Variants in NR3C2 observed in about 807,000 individuals in gnomAD.
NR3C2 encodes nuclear receptor subfamily 3 group C member 2.
In NR3C2, 15 loss-of-function variants were observed where a neutral mutation model predicts 86.4. That is an observed-to-expected ratio of 0.17 (90% CI 0.12 to 0.27). The LOEUF (loss-of-function observed/expected upper bound fraction) is 0.27, where lower values mean the gene tolerates loss of function less well. Among genes scored for constraint, NR3C2 ranks in the 10% least tolerant of loss-of-function variants. The pLI is 1.00. For synonymous variants in NR3C2, 458 were observed against 450.5 expected (o/e 1.02, Z -0.21); for missense variants, 960 against 1,195.6 (o/e 0.80, Z 2.91).
At chr4:148,227,637 T>C (rs1214202623) in intron 3 of NR3C2, among the ~76,000 whole-genome samples, 1 of 152,224 alleles carries the variant, frequency 6.6e-6, no homozygotes, top group Non-Finnish European at 1.5e-5. Flanking sequence ...TATTTATTGA[T>C]GGCATTGCAC....
intron 1 of NR3C2, among the ~76,000 whole-genome samples, chr4:148,440,475 G>A (rs1196361311): frequency 2.0e-5 from 3 of 152,208 alleles, no homozygotes; most frequent in Admixed American, 2.0e-4. Context: ...TGTTACTAAA[G>A]TATAAAATGA....
At chr4:148,216,892 C>G (rs1336774092) in intron 3 of NR3C2, among the ~76,000 whole-genome samples, 1 of 152,148 alleles carries the variant, frequency 6.6e-6, no homozygotes, top group Admixed American at 6.5e-5. Flanking sequence ...AATTACAGAT[C>G]AGACCCACAA....
intron 2 of NR3C2, among the ~76,000 whole-genome samples, chr4:148,419,383 C>T (rs537743859): frequency 6.6e-6 from 1 of 152,260 alleles, no homozygotes; most frequent in South Asian, 2.1e-4. Context: ...AGCAAAATTA[C>T]ATGTGCAAGT....
intron 2 of NR3C2, among the ~76,000 whole-genome samples, chr4:148,285,568 G>A (rs774060977): frequency 7.9e-5 from 12 of 152,026 alleles, no homozygotes; most frequent in Non-Finnish European, 1.0e-4. Context: ...TTATTTGGGC[G>A]TGGTGACGTG....
At chr4:148,414,328 T>A (rs1748890636) in intron 2 of NR3C2, among the ~76,000 whole-genome samples, 1 of 152,290 alleles carries the variant, frequency 6.6e-6, no homozygotes, top group South Asian at 2.1e-4. Flanking sequence ...GGGATCCAAA[T>A]CTGATTTGAA....
chr4:148,432,832 T>C (rs1250070522), intron 2 of NR3C2, among the ~76,000 whole-genome samples: 1 of 152,194 alleles, frequency 6.6e-6, no homozygotes, highest in Non-Finnish European at 1.5e-5. Context: ...CTCTGATCCT[T>C]GAGCTTTTAC....
intron 4 of NR3C2, among the ~76,000 whole-genome samples, chr4:148,156,374 G>A (rs1578950963): frequency 1.3e-5 from 2 of 151,894 alleles, no homozygotes; most frequent in East Asian, 3.9e-4. Flanking sequence ...CTGACAAAGG[G>A]CTAATATCCA....
intron 3 of NR3C2, among the ~76,000 whole-genome samples, chr4:148,236,189 T>C (rs1390307892): frequency 6.6e-6 from 1 of 152,216 alleles, no homozygotes; most frequent in Admixed American, 6.5e-5. Flanking sequence ...CACTGCACTC[T>C]TAGCTAAACT....
intron 4 of NR3C2, among the ~76,000 whole-genome samples, chr4:148,186,820 G>A (rs189717758): frequency 1.8e-3 from 261 of 148,866 alleles, no homozygotes; most frequent in Non-Finnish European, 2.8e-3. Flanking sequence ...ATGCCTTTGC[G>A]TCCTCATAGC....
intron 8 of NR3C2, among the ~76,000 whole-genome samples, chr4:148,083,608 C>T (rs893089917): frequency 2.6e-5 from 4 of 152,124 alleles, no homozygotes; most frequent in South Asian, 2.1e-4. Flanking sequence ...CCTGAAAATT[C>T]GAAAAACCAG....
At chr4:148,168,438 G>C (rs1349464750) in intron 4 of NR3C2, among the ~76,000 whole-genome samples, 1 of 152,208 alleles carries the variant, frequency 6.6e-6, no homozygotes, top group Non-Finnish European at 1.5e-5. Context: ...CCAGAAAGAT[G>C]AACTGGCTTG....
chr4:148,267,420 G>T (rs889730886), intron 2 of NR3C2, among the ~76,000 whole-genome samples: 2 of 151,916 alleles, frequency 1.3e-5, no homozygotes, highest in Admixed American at 1.3e-4. Context: ...CACCCAGCTA[G>T]ATCTGTAGTT....
chr4:148,185,104 G>C (rs2149794299), intron 4 of NR3C2, among the ~76,000 whole-genome samples: 1 of 152,318 alleles, frequency 6.6e-6, no homozygotes, highest in African/African-American at 2.4e-5. Context: ...CACACACTCA[G>C]TAATCGCTTT....
intron 2 of NR3C2, among the ~76,000 whole-genome samples, chr4:148,415,394 G>A (rs1461215028): frequency 3.3e-5 from 5 of 152,024 alleles, no homozygotes; most frequent in Admixed American, 2.0e-4. Flanking sequence ...TGCTCTATTC[G>A]CTTAGGAAAT....
Position 148,435,920 on chromosome 4 carries a change from G to A in NR3C2, c.941C>T (p.Ser314Leu), listed in dbSNP as rs1456634615. The A allele has an allele frequency of 4.3e-6, 7 of 1,614,070 alleles. No individual in the cohort carries two copies. Among genetic ancestry groups the A allele is most frequent in the South Asian group, 3.3e-5 (3 of 91,088 alleles). The change falls in exon 2 of 9, where the codon TCG becomes TTG. Residue 314 changes from serine to leucine, a missense_variant. Coordinates refer to ENST00000358102, the MANE Select transcript of NR3C2 (RefSeq NM_000901.5). Reference sequence around the variant, plus strand: ...AAGCGTGGATCTGTTATTAGTGTTCGAAGGGCTGGAAACAGAGCACCTTGA... The same window carrying A: ...AAGCGTGGATCTGTTATTAGTGTTCAAAGGGCTGGAAACAGAGCACCTTGA... Reference protein sequence around the residue: ...NNSRCSVSSPSNTNNRSTLSS... With the variant: ...NNSRCSVSSPLNTNNRSTLSS...
At chr4:148,263,720 T>C (rs1740241956) in intron 2 of NR3C2, among the ~76,000 whole-genome samples, 1 of 152,216 alleles carries the variant, frequency 6.6e-6, no homozygotes, top group African/African-American at 2.4e-5. Context: ...GTTGAAGTGT[T>C]CTGGTCAACC....
chr4:148,095,229 T>TC (rs139867648), intron 8 of NR3C2, among the ~76,000 whole-genome samples: 13,120 of 152,288 alleles, frequency 0.086, 734 homozygotes, highest in Middle Eastern at 0.15. Context: ...CCCAACCTGC[T>TC]CCCAGTGCAG....
intron 4 of NR3C2, among the ~76,000 whole-genome samples, chr4:148,175,867 G>A (rs1422115852): frequency 6.6e-6 from 1 of 152,218 alleles, no homozygotes; most frequent in Non-Finnish European, 1.5e-5. Flanking sequence ...AGCCAGGCAT[G>A]TGCCTGTAGT....
chr4:148,436,803 C>A lies in NR3C2; in HGVS notation c.58G>T (p.Gly20Cys). The A allele has an allele frequency of 6.2e-7, 1 of 1,613,082 alleles. No homozygotes were observed. Among genetic ancestry groups the A allele is most frequent in the Non-Finnish European group, 8.5e-7 (1 of 1,179,826 alleles). Reference sequence around the variant, plus strand: ...CGCTCCACAGCCTGAGAAACTTGACCCCACCGTCTTTCCATATCTAGACCT... The same window carrying A: ...CGCTCCACAGCCTGAGAAACTTGACACCACCGTCTTTCCATATCTAGACCT... ...PEGLDMERRW[G>C]QVSQAVERSS... The change falls in exon 2 of 9, where the codon GGT becomes TGT. Residue 20 changes from glycine to cysteine, a missense_variant. Physicochemically the swap from Gly to Cys is radical, Grantham distance 159. Around this residue, in one of 4 missense-constraint regions of NR3C2, gnomAD observed 680 missense variants for 719.0 expected, o/e 0.95. Coordinates refer to ENST00000358102, the MANE Select transcript of NR3C2 (RefSeq NM_000901.5).
Sources: allele counts gnomAD v4.1 joint callset (sites outside exome capture counted in the v4.1 genomes callset), GRCh38; gene constraint gnomAD v4.1.1; regional missense constraint gnomAD v4.1.1; transcripts MANE v1.5; gene names NCBI Gene and HGNC (gene_info 2026-07-23, HGNC 2026-07-21).